CAPS2: variants seen among roughly 807,000 people sequenced by gnomAD.
CAPS2 encodes calcyphosine 2, also known as calcyphosin-2.
Under a neutral mutation model 86.5 loss-of-function variants are expected in CAPS2, and 98 were observed. That is an observed-to-expected ratio of 1.13 (90% CI 0.96 to 1.34). CAPS2 has a LOEUF of 1.34. CAPS2 is among the 40% of genes most tolerant of loss of function. The pLI is 0.00. For missense variants in CAPS2, 729 were observed against 686.8 expected, an observed-to-expected ratio of 1.06 and a Z score of -0.69; for synonymous variants, 210 against 225.1, an observed-to-expected ratio of 0.93 and a Z score of 0.60.
chr12:75,349,724 T>C (rs2042679756), intron 1 of CAPS2, among the ~76,000 whole-genome samples: 1 of 152,018 alleles, frequency 6.6e-6, no homozygotes, highest in Non-Finnish European at 1.5e-5. Context: ...GAATTCAAAA[T>C]CATAACATTA....
chr12:75,369,451 A>T (rs1457046590), intron 1 of CAPS2: 7 of 892,772 alleles, frequency 7.8e-6, no homozygotes, highest in Non-Finnish European at 9.4e-6. Flanking sequence ...AGGTCAAAAA[A>T]ATTAATTAAT....
chr12:75,325,225 G>A lies in CAPS2; in HGVS notation c.131+14C>T, dbSNP rs2040653934. The A allele has an allele frequency of 6.5e-7, 1 of 1,547,702 alleles. No homozygotes were observed. The highest frequency in any genetic ancestry group is 8.7e-7 in the Non-Finnish European group (1 of 1,145,496). On this transcript the variant is annotated intron_variant, in intron 2 of 16. Coordinates refer to ENST00000393284, the Ensembl canonical transcript of CAPS2. ...GCCCATTAAACAGTCCAAATGTGAA[G>A]AAACGTAACTTACACTGGTGGGCAA... is the stretch of plus-strand genomic sequence containing the variant.
At chr12:75,323,307 A>C in intron 2 of CAPS2, 85 bp from the exon 4 acceptor site, 1 of 1,096,278 alleles carries the variant, frequency 9.1e-7, no homozygotes, top group Non-Finnish European at 1.3e-6. Context: ...TGTTTTATAA[A>C]TAGGTACACT....
In CAPS2 at chr12:75,366,907, G is replaced by A. The variant is rs140600877; in HGVS notation, c.-395+23931C>T. ...AGGGTTCCCTGTAGGGCCACTGCAT[G>A]TCAAAAGGGGTTAACCACCCAGACA... On this transcript the variant is annotated intron_variant, in intron 1 of 5. Coordinates refer to the CAPS2 transcript ENST00000551829. 8.7e-4 allele frequency: 610 copies of A among 701,752 alleles called. 2 individuals carry two copies. In the African/African-American group the frequency reaches 8.7e-3, roughly 10 times the overall value. 43.5% of individuals were successfully genotyped at this position (701,752 alleles called of 1,614,324 possible).
chr12:75,371,028 C>G (rs184294263), intron 1 of CAPS2: 68 of 152,282 alleles, frequency 4.5e-4, no homozygotes, highest in African/African-American at 1.6e-3. Context: ...GACAGAACTA[C>G]TAGGTTATAT....
At chr12:75,379,638 G>T (rs2044848307) in intron 1 of CAPS2, among the ~76,000 whole-genome samples, 1 of 152,126 alleles carries the variant, frequency 6.6e-6, no homozygotes, top group South Asian at 2.1e-4. Context: ...CATTTTTCAG[G>T]AGATTCTCTC....
At chr12:75,312,942 CACCATCCATAAAGCAGAACCAT>C in intron 6 of CAPS2, 27 bp from the exon 7 acceptor site, 1 of 1,379,616 alleles carries the variant, frequency 7.2e-7, no homozygotes, top group Non-Finnish European at 1.0e-6. Context: ...AAGACAACTT[CACCATCCATAAAGCAGAACCAT>C]ACAATACTTA....
rs185939932 is a variant in CAPS2, at chr12:75,278,645, T to G, written c.*245A>C. On this transcript the variant is annotated 3_prime_UTR_variant, in exon 17 of 17. Coordinates refer to ENST00000393284, the Ensembl canonical transcript of CAPS2. ...TAAACCAAAAAGATATCTTTACAAA[T>G]GTAAGGACATGTGAACAGGCATACA... The G allele has an allele frequency of 3.8e-4, 448 of 1,170,222 alleles. 2 individuals carry two copies. In the African/African-American group the frequency reaches 6.3e-3, roughly 16 times the overall value. The allele number at this position is 1,170,222 out of a possible 1,614,324, so 72.5% of individuals were successfully genotyped here.
chr12:75,346,138 T>G (rs536153121), intron 1 of CAPS2, among the ~76,000 whole-genome samples: 10 of 152,322 alleles, frequency 6.6e-5, no homozygotes, highest in African/African-American at 2.4e-4. Context: ...ATTCTCACGA[T>G]TCCAAAAGCC....
At chr12:75,381,220 T>A (rs1008349387) in intron 1 of CAPS2, among the ~76,000 whole-genome samples, 2 of 152,188 alleles carry the variant, frequency 1.3e-5, no homozygotes, top group Admixed American at 6.5e-5. Flanking sequence ...GGTTTCTGCT[T>A]TTGCTTCTTC....
intron 1 of CAPS2, among the ~76,000 whole-genome samples, chr12:75,342,333 T>C (rs1394693290): frequency 6.6e-6 from 1 of 152,232 alleles, no homozygotes; most frequent in Non-Finnish European, 1.5e-5. Context: ...CAATTTCTTA[T>C]TTTGATATCA....
At chr12:75,292,945 T>C (rs1225996120) in intron 12 of CAPS2, among the ~76,000 whole-genome samples, 1 of 151,594 alleles carries the variant, frequency 6.6e-6, no homozygotes, top group East Asian at 1.9e-4. Context: ...TATCCTTTTT[T>C]AAATTTATTT....
intron 11 of CAPS2, among the ~76,000 whole-genome samples, chr12:75,296,767 C>CA (rs1010005319): frequency 1.1e-4 from 16 of 149,296 alleles, no homozygotes; most frequent in Admixed American, 5.3e-4. Context: ...ACACCACCAC[C>CA]AAAAAAAAAG....
rs768864375 is a variant in CAPS2 at position 75,278,896 on chromosome 12, C to T, written c.1782G>A (p.Gly594=). ...ACATATGTATTATTAAAGACTAAATCCCCCATGGAGTACGTAAGATGTTAA... is the reference window on the plus strand; with the variant it reads ...ACATATGTATTATTAAAGACTAAATTCCCCATGGAGTACGTAAGATGTTAA... Residue 594 remains glycine (G), a synonymous_variant, in exon 17 of 17, where the codon GGG becomes GGA. Transcript: ENST00000393284. The T allele has an allele frequency of 4.5e-6, 7 of 1,558,976 alleles. No individual in the cohort carries two copies. In the South Asian group the frequency reaches 6.2e-5, roughly 14 times the overall value.
rs559346790 is a variant in CAPS2 at position 75,290,637 on chromosome 12, C to T, written c.1241-862G>A. On this transcript the variant is annotated intron_variant, in intron 13 of 16. Transcript: ENST00000393284. ...ATTCATGAAAATTCACAAATTAGGCCAAGTGTGATGGTTCATGACTATAAT... is the reference window on the plus strand; with the variant it reads ...ATTCATGAAAATTCACAAATTAGGCTAAGTGTGATGGTTCATGACTATAAT... Among the ~76,000 whole-genome samples the T allele has an allele frequency of 2.0e-5, 3 of 152,030 alleles. No individual in the cohort carries two copies. In the East Asian group the frequency reaches 5.8e-4, roughly 29 times the overall value.
intron 1 of CAPS2, among the ~76,000 whole-genome samples, chr12:75,342,056 A>C (rs1354912706): frequency 1.3e-5 from 2 of 152,072 alleles, no homozygotes; most frequent in African/African-American, 2.4e-5. Flanking sequence ...TATTTATACA[A>C]CATTCTTGAA....
At chr12:75,285,429 T>A (rs113165735) in intron 14 of CAPS2, among the ~76,000 whole-genome samples, 2 of 152,038 alleles carry the variant, frequency 1.3e-5, no homozygotes, top group African/African-American at 4.8e-5. Context: ...ATCATATCTA[T>A]CATCTTAAAT....
chr12:75,302,958 A>G (rs1264467477), intron 8 of CAPS2, among the ~76,000 whole-genome samples: 2 of 152,198 alleles, frequency 1.3e-5, no homozygotes, highest in Non-Finnish European at 2.9e-5. Flanking sequence ...TGGGAAAGCT[A>G]TTTGGCTGCA....
chr12:75,301,029 C>G (rs965776064), intron 8 of CAPS2, among the ~76,000 whole-genome samples: 1 of 152,148 alleles, frequency 6.6e-6, no homozygotes, highest in African/African-American at 2.4e-5. Context: ...ATCTTTATGG[C>G]CTTCAGACAG....
Sources: gnomAD v4.1 joint callset for allele counts (sites outside exome capture counted in the v4.1 genomes callset) on GRCh38, gnomAD v4.1.1 for gene constraint, MANE v1.5 for transcripts, NCBI Gene and HGNC (gene_info 2026-07-23, HGNC 2026-07-21) for gene names.